KRT12: variants seen among roughly 807,000 people sequenced by gnomAD.
KRT12 encodes keratin, type I cytoskeletal 12.
Under a neutral mutation model 50.2 loss-of-function variants are expected in KRT12, and 43 were observed. The ratio of observed to expected loss-of-function variants is 0.86; its 90% CI spans 0.67 to 1.11. The LOEUF (loss-of-function observed/expected upper bound fraction) is 1.11. Among genes scored for constraint, KRT12 ranks in the 50% least tolerant of loss-of-function variants. The pLI is 0.00. For missense variants in KRT12, 588 were observed against 625.6 expected (o/e 0.94, Z 0.64); for synonymous variants, 257 against 253.6 (o/e 1.01, Z -0.13).
Position 40,866,899 on chromosome 17 carries a change from C to T in KRT12, c.288G>A (p.Gly96=), listed in dbSNP as rs762954108. The T allele has an allele frequency of 6.2e-7, 1 of 1,613,984 alleles. No individual in the cohort carries two copies. Among genetic ancestry groups the T allele is most frequent in the Non-Finnish European group, 8.5e-7 (1 of 1,179,958 alleles). The change falls in exon 1 of 8, where the codon GGG becomes GGA. Residue 96 remains glycine, a synonymous_variant. Coordinates refer to ENST00000251643, the MANE Select transcript of KRT12 (RefSeq NM_000223.4). ...GGCTGCCCCCAAATCCCATCCCCAG[C>T]CCTCCAAAGCTACCTCCACCCAGGG... ...GRALGGGSFG[G]LGMGFGGSPG...
chr17:40,865,574 A>G (rs1332660489), intron 2 of KRT12, among the ~76,000 whole-genome samples: 1 of 152,236 alleles, frequency 6.6e-6, no homozygotes, highest in African/African-American at 2.4e-5. Context: ...ACAATGGTTG[A>G]TACATTGAAA....
At position 40,863,747 on chromosome 17, in the gene KRT12, C is replaced by T. The variant is rs1305542803; in HGVS notation, c.925G>A (p.Ala309Thr). ...NDMRAQYETIAEQNRKDAEAW... is the reference protein window; with the variant it reads ...NDMRAQYETITEQNRKDAEAW... ...TCAGCGTCCTTCCGATTCTGCTCAG[C>T]GATGGTTTCATACTGCGCCCGCATA... The change falls in exon 4 of 8, where the codon GCT becomes ACT. Residue 309 changes from alanine to threonine, a missense_variant. Ala to Thr is a moderately conservative substitution (Grantham distance 58). Coordinates refer to ENST00000251643, the MANE Select transcript of KRT12 (RefSeq NM_000223.4). The surrounding 1 kb of genome is among the most constrained non-coding windows in gnomAD (Gnocchi z 4.2). 6.2e-7 allele frequency: 1 copy of T among 1,613,560 alleles called. No homozygotes were observed.
Position 40,864,885 on chromosome 17 carries a change from G to A in KRT12, c.728C>T (p.Thr243Ile), listed in dbSNP as rs61735165. ...NGLRRVLDEL[T>I]LTRTDLEMQI... is the part of the protein sequence containing the mutation. ...CATCTCCAGGTCGGTCCTGGTCAGG[G>A]TCAGCTCGTCCAGCACCCGGCGCAG... The change falls in exon 3 of 8, where the codon ACC (threonine) becomes ATC (isoleucine). Residue 243 changes from threonine to isoleucine, a missense_variant. Transcript: ENST00000251643. 1.7e-3 allele frequency: 2,680 copies of A among 1,614,244 alleles called. 7 individuals are homozygous for A. Among genetic ancestry groups the A allele is most frequent in the Admixed American group, 1.4e-3 (87 of 60,028 alleles).
Position 40,864,815 on chromosome 17 carries a change from G to A in KRT12, c.798C>T (p.Asn266=), listed in dbSNP as rs1377759568. Residue 266 remains asparagine, a synonymous_variant, in exon 3 of 8, where the codon AAC becomes AAT. Transcript: ENST00000251643. ...GCCCTGTCTGACTCACATCCTCGTG[G>A]TTCTTCTTCATGTAGGCCAGCTCCT... ...LNEELAYMKK[N]HEDELQSFRV... The A allele has an allele frequency of 1.2e-6, 2 of 1,614,186 alleles. No individual in the cohort carries two copies. Among genetic ancestry groups the A allele is most frequent in the Non-Finnish European group, 8.5e-7 (1 of 1,180,044 alleles).
intron 3 of KRT12, among the ~76,000 whole-genome samples, chr17:40,864,394 T>C (rs1248998201): frequency 6.6e-6 from 1 of 152,204 alleles, no homozygotes; most frequent in Non-Finnish European, 1.5e-5. Flanking sequence ...CTCAGAGTTT[T>C]CTGGTGTGCA....
rs772177765 is a variant in KRT12 at position 40,864,846 on chromosome 17, A to G, written c.767T>C (p.Leu256Pro). 5 of 1,614,070 alleles carry G rather than the reference A, an allele frequency of 3.1e-6. No homozygotes were observed. The highest frequency in any genetic ancestry group is 4.2e-6 in the Non-Finnish European group (5 of 1,180,036). Residue 256 changes from leucine (L) to proline (P), a missense_variant, in exon 3 of 8, where the codon CTG becomes CCG. Transcript: ENST00000251643. ...RTDLEMQIES[L>P]NEELAYMKKN... ...CTTCATGTAGGCCAGCTCCTCGTTCAGGCTCTCGATCTGCATCTCCAGGTC... is the reference window on the plus strand; with the variant it reads ...CTTCATGTAGGCCAGCTCCTCGTTCGGGCTCTCGATCTGCATCTCCAGGTC...
chr17:40,866,438 A>G (rs1410567156), intron 1 of KRT12, among the ~76,000 whole-genome samples, 182 bp downstream of exon 1: 1 of 152,230 alleles, frequency 6.6e-6, no homozygotes, highest in African/African-American at 2.4e-5. Context: ...CAGAAAGATA[A>G]TGGAAATACA....
chr17:40,862,530 G>A (rs564308735), intron 7 of KRT12, 35 bp downstream of exon 7: 21 of 1,455,772 alleles, frequency 1.4e-5, no homozygotes, highest in South Asian at 4.6e-5. Flanking sequence ...ATGTGATTCC[G>A]ACTTATTCTA....
chr17:40,864,942 A>G lies in KRT12; in HGVS notation c.671T>C (p.Leu224Pro). 1 of 1,614,222 alleles carries G rather than the reference A, an allele frequency of 6.2e-7. No individual in the cohort carries two copies. The highest frequency in any genetic ancestry group is 2.2e-5 in the East Asian group (1 of 44,888). Residue 224 changes from leucine to proline, a missense_variant, in exon 3 of 8, where the codon CTG (leucine) becomes CCG (proline). Physicochemically the swap from Leu to Pro is moderately conservative, Grantham distance 98. Transcript: ENST00000251643. ...FRMKYENELALRQGVEADING... is the reference protein window; with the variant it reads ...FRMKYENELAPRQGVEADING... The stretch of plus-strand genomic sequence containing the variant: ...GATGTCGGCCTCTACGCCCTGGCGC[A>G]GGGCCAGTTCATTCTCATACCTGAA...
At position 40,865,947 on chromosome 17, in the gene KRT12, C is replaced by A. The variant is rs1389011667; in HGVS notation, c.650+208G>T. Among the ~76,000 whole-genome samples, 63 of 152,252 alleles carry A rather than the reference C, an allele frequency of 4.1e-4. 1 individual carries two copies. Among genetic ancestry groups the A allele is most frequent in the Non-Finnish European group, 1.5e-5 (1 of 68,016 alleles). On this transcript the variant is annotated intron_variant, in intron 2 of 7. Coordinates refer to ENST00000251643, the MANE Select transcript of KRT12 (RefSeq NM_000223.4). ...CACTACAAATATCGTGATCCATAGC[C>A]CTGGGTTTAAGTAACTTATAATTTA...
chr17:40,862,497 T>A, intron 7 of KRT12, 68 bp downstream of exon 7: 1 of 976,450 alleles, frequency 1.0e-6, no homozygotes, highest in South Asian at 1.3e-5. Flanking sequence ...GTCAATGAGG[T>A]CTTACAGGTT....
rs904125670 is a variant in KRT12 at position 40,866,887 on chromosome 17, T to G, written c.300A>C (p.Gly100=). 6.2e-7 allele frequency: 1 copy of G among 1,613,786 alleles called. No individual in the cohort carries two copies. The highest frequency in any genetic ancestry group is 8.5e-7 in the Non-Finnish European group (1 of 1,179,938). Residue 100 remains glycine, a synonymous_variant, in exon 1 of 8, where the codon GGA becomes GGC. Transcript: ENST00000251643. ...GGGSFGGLGM[G]FGGSPGGGSL... is the part of the protein sequence containing the mutation. ...AGCCACCTCCTGGGCTGCCCCCAAATCCCATCCCCAGCCCTCCAAAGCTAC... is the reference window on the plus strand; with the variant it reads ...AGCCACCTCCTGGGCTGCCCCCAAAGCCCATCCCCAGCCCTCCAAAGCTAC...
In KRT12 at chr17:40,863,657, G is replaced by C. The variant is rs748751860; in HGVS notation, c.969+46C>G. ...GGGGGCTCGAGCGCTGAGCTCGTTC[G>C]CAGGCCTTTCTGTGAATGTATCAAA... On this transcript the variant is annotated intron_variant, in intron 4 of 7. Transcript: ENST00000251643. This position sits in a 1 kb window ranked among gnomAD's most constrained non-coding sequence, Gnocchi z 4.2. 6.2e-7 allele frequency: 1 copy of C among 1,614,164 alleles called. No homozygotes were observed. Among genetic ancestry groups the C allele is most frequent in the South Asian group, 1.1e-5 (1 of 91,090 alleles).
rs758285612 is a variant in KRT12 at position 40,863,151 on chromosome 17, G to T, written c.1288C>A (p.Arg430Ser). ...ARLELEIETY[R>S]RLLDGEAQGD... The stretch of plus-strand genomic sequence containing the variant: ...TGGGCCTCCCCGTCCAGCAGGCGGC[G>T]GTAGGTCTCAATCTCCAGCTCCAGG... The change falls in exon 6 of 8, where the codon CGC becomes AGC. Residue 430 changes from arginine to serine, a missense_variant. Coordinates refer to ENST00000251643, the MANE Select transcript of KRT12 (RefSeq NM_000223.4). The surrounding 1 kb of genome is among the most constrained non-coding windows in gnomAD (Gnocchi z 4.2). The T allele has an allele frequency of 1.2e-6, 2 of 1,614,088 alleles. No homozygotes were observed. The highest frequency in any genetic ancestry group is 1.7e-6 in the Non-Finnish European group (2 of 1,179,986).
Position 40,864,763 on chromosome 17 carries a change from G to A in KRT12, c.807+43C>T, listed in dbSNP as rs1274555398. On this transcript the variant is annotated intron_variant, in intron 3 of 7. Coordinates refer to ENST00000251643, the MANE Select transcript of KRT12 (RefSeq NM_000223.4). ...GAAATTGTAATTTTTGGGTCTGGGA[G>A]AAAAAAAAAAGTAGCTGAGTGAGGC... 5.4e-6 allele frequency: 8 copies of A among 1,488,756 alleles called. No homozygotes were observed. In the African/African-American group the frequency reaches 5.8e-5, roughly 11 times the overall value. 92.2% of individuals were successfully genotyped at this position (1,488,756 alleles called of 1,614,324 possible).
At position 40,864,912 on chromosome 17, in the gene KRT12, C is replaced by A. The variant is rs747033048; in HGVS notation, c.701G>T (p.Gly234Val). The change falls in exon 3 of 8, where the codon GGC (glycine) becomes GTC (valine). Residue 234 changes from glycine (G) to valine (V), a missense_variant. Transcript: ENST00000251643. ...LRQGVEADIN[G>V]LRRVLDELTL... ...CAGCTCGTCCAGCACCCGGCGCAGG[C>A]CATTGATGTCGGCCTCTACGCCCTG... 1.9e-6 allele frequency: 3 copies of A among 1,614,236 alleles called. No homozygotes were observed. The highest frequency in any genetic ancestry group is 2.5e-6 in the Non-Finnish European group (3 of 1,180,046).
In KRT12 at chr17:40,863,266, G is replaced by A. The variant is rs1445342238; in HGVS notation, c.1173C>T (p.Ile391=). The A allele has an allele frequency of 3.1e-6, 5 of 1,614,012 alleles. No individual in the cohort carries two copies. The highest frequency in any genetic ancestry group is 4.2e-6 in the Non-Finnish European group (5 of 1,179,996). ...CAQLSQVQQL[I]SNLEAQLLQV... The stretch of plus-strand genomic sequence containing the variant: ...GGAGCAGCTGTGCCTCCAGGTTGCT[G>A]ATGAGCTGCTGCACCTGGGACAGCT... The change falls in exon 6 of 8, where the codon ATC becomes ATT. Residue 391 remains isoleucine (I), a synonymous_variant. Transcript: ENST00000251643. The surrounding 1 kb of genome is among the most constrained non-coding windows in gnomAD (Gnocchi z 4.2).
Position 40,866,876 on chromosome 17 carries a change from C to T in KRT12, c.311G>A (p.Ser104Asn), listed in dbSNP as rs201147294. Reference protein sequence around the residue: ...FGGLGMGFGGSPGGGSLGILS... With the variant: ...FGGLGMGFGGNPGGGSLGILS... ...AATACCTAGAGAGCCACCTCCTGGG[C>T]TGCCCCCAAATCCCATCCCCAGCCC... Residue 104 changes from serine to asparagine, a missense_variant, in exon 1 of 8, where the codon AGC becomes AAC. By Grantham distance (46) the Ser-to-Asn change is conservative. Transcript: ENST00000251643. The T allele has an allele frequency of 1.2e-6, 2 of 1,614,154 alleles. No homozygotes were observed. The highest frequency in any genetic ancestry group is 4.5e-5 in the East Asian group (2 of 44,872).
chr17:40,866,300 A>G, intron 1 of KRT12, 63 bp from the exon 2 acceptor site: 1 of 1,301,082 alleles, frequency 7.7e-7, no homozygotes, highest in South Asian at 1.2e-5. Flanking sequence ...ATACAAATAT[A>G]TTTTTGACAC....
Sources: allele counts gnomAD v4.1 joint callset (sites outside exome capture counted in the v4.1 genomes callset), GRCh38; gene constraint gnomAD v4.1.1; non-coding constraint Gnocchi (gnomAD v3.1); transcripts MANE v1.5; gene names NCBI Gene and HGNC (gene_info 2026-07-23, HGNC 2026-07-21).